ARHGAP25: variants seen among roughly 807,000 people sequenced by gnomAD.
ARHGAP25 encodes the protein Rho GTPase activating protein 25.
Under a neutral mutation model 71.0 loss-of-function variants are expected in ARHGAP25, and 34 were observed. The ratio of observed to expected loss-of-function variants is 0.48; its 90% confidence interval spans 0.36 to 0.64. The LOEUF is 0.64. ARHGAP25 is among the 30% of genes least tolerant of loss of function. The probability of loss-of-function intolerance (pLI) is 0.00; values close to 1 mark genes in which losing one functional copy is unlikely to be tolerated. For missense variants in ARHGAP25, 706 were observed against 805.1 expected (o/e 0.88, Z 1.49); for synonymous variants, 282 against 296.5 (o/e 0.95, Z 0.50).
At chr2:68,738,280 G>T (rs548080838) in intron 1 of ARHGAP25, among the ~76,000 whole-genome samples, 1 of 152,270 alleles carries the variant, frequency 6.6e-6, no homozygotes, top group East Asian at 1.9e-4. Flanking sequence ...CCAGCCCCAG[G>T]TTACAGGGCT....
At position 68,797,011 on chromosome 2, in the gene ARHGAP25, C is replaced by T. The variant is rs186982182; in HGVS notation, c.466+9055C>T. On this transcript the variant is annotated intron_variant, in intron 4 of 10. Coordinates refer to ENST00000409202, the MANE Select transcript of ARHGAP25 (RefSeq NM_001007231.3). ...GATGGTGCTTGCAGGTAACAACGAG[C>T]GGTGGGGGTAGCATGGAGATTTATG... Among the ~76,000 whole-genome samples, 25 of 152,230 alleles carry T rather than the reference C, an allele frequency of 1.6e-4. 1 individual carries two copies. In the East Asian group the frequency reaches 3.1e-3, roughly 19 times the overall value.
rs776569401 is a variant in ARHGAP25 at position 68,813,405 on chromosome 2, G to A, written c.793G>A (p.Ala265Thr). Residue 265 changes from alanine (A) to threonine (T), a missense_variant, in exon 6 of 11, where the codon GCG (alanine) becomes ACG (threonine). Physicochemically the swap from Ala to Thr is moderately conservative, Grantham distance 58 (BLOSUM62 0). Coordinates refer to ENST00000409202, the MANE Select transcript of ARHGAP25 (RefSeq NM_001007231.3). ...CCTGCTCTGTGGGCAGCTCACGAAT[G>A]CGGATGAGGCAAAGGTTTGCATCTT... ...GFLLCGQLTN[A>T]DEAKAQQELM... The A allele has an allele frequency of 1.9e-6, 3 of 1,612,748 alleles. No individual in the cohort carries two copies. The highest frequency in any genetic ancestry group is 1.7e-5 in the Admixed American group (1 of 59,712).
At chr2:68,792,787 A>G (rs188164105) in intron 4 of ARHGAP25, among the ~76,000 whole-genome samples, 1 of 152,270 alleles carries the variant, frequency 6.6e-6, no homozygotes, top group East Asian at 1.9e-4. Flanking sequence ...TTTGGTGTAT[A>G]CCCAGTAGTG....
chr2:68,759,349 GA>G lies in ARHGAP25; in HGVS notation c.62-15862del, dbSNP rs1014124494. Among the ~76,000 whole-genome samples, 32 of 145,546 alleles carry G rather than the reference GA, an allele frequency of 2.2e-4. No homozygotes were observed. In the Middle Eastern group the frequency reaches 0.014, roughly 64 times the overall value. On this transcript the variant is annotated intron_variant, in intron 1 of 10. Coordinates refer to ENST00000409202, the MANE Select transcript of ARHGAP25 (RefSeq NM_001007231.3). Reference sequence around the variant, plus strand: ...ACAAGCCTTTTGGTAGATGGATAATGAAAAAAAAAAGAAGATTCAAATTACT... The same window carrying G: ...ACAAGCCTTTTGGTAGATGGATAATGAAAAAAAAAGAAGATTCAAATTACT...
At chr2:68,813,251 A>G in intron 5 of ARHGAP25, 36 bp from the exon 6 acceptor site, 1 of 1,581,640 alleles carries the variant, frequency 6.3e-7, no homozygotes, top group Non-Finnish European at 8.6e-7. Flanking sequence ...TTTTTCTTTC[A>G]AAGAGTTTCA....
upstream of ARHGAP25, among the ~76,000 whole-genome samples, chr2:68,729,884 T>G (rs559974550): frequency 2.0e-5 from 3 of 152,368 alleles, no homozygotes; most frequent in Admixed American, 1.3e-4. Context: ...CATTTCTATC[T>G]CTAAGAATTC....
chr2:68,788,364 G>A (rs763298345), intron 4 of ARHGAP25, among the ~76,000 whole-genome samples: 8 of 152,222 alleles, frequency 5.3e-5, no homozygotes, highest in Admixed American at 1.3e-4. Context: ...CCTGGTTCTG[G>A]GAACTGATGG....
rs151097127 is a variant in ARHGAP25, at chr2:68,793,416, C to A, written c.466+5460C>A. On this transcript the variant is annotated intron_variant, in intron 4 of 10. Coordinates refer to ENST00000409202, the MANE Select transcript of ARHGAP25 (RefSeq NM_001007231.3). ...TACTCTAGGTTTTACAGTTTCAGAT[C>A]TTACATTTAAGTTTTTAATCATCTT... 2.1e-3 allele frequency among the ~76,000 whole-genome samples: 325 copies of A among 152,160 alleles called. 1 individual carries two copies. Among genetic ancestry groups the A allele is most frequent in the African/African-American group, 6.5e-3 (270 of 41,526 alleles).
chr2:68,815,649 C>T (rs1681167504), intron 6 of ARHGAP25, among the ~76,000 whole-genome samples: 1 of 151,988 alleles, frequency 6.6e-6, no homozygotes, highest in Non-Finnish European at 1.5e-5. Context: ...CACCATGTTG[C>T]AGATGGTGAT....
intron 3 of ARHGAP25, 77 bp from the exon 4 acceptor site, chr2:68,787,763 T>A: frequency 8.6e-7 from 1 of 1,163,592 alleles, no homozygotes; most frequent in Non-Finnish European, 1.3e-6. Context: ...TCAATTTAGG[T>A]CTGGTTCCCT....
intron 1 of ARHGAP25, among the ~76,000 whole-genome samples, chr2:68,740,132 T>C (rs571336614): frequency 2.0e-5 from 3 of 152,194 alleles, no homozygotes; most frequent in Non-Finnish European, 4.4e-5. Context: ...TGCAAAGCGG[T>C]GAGACAGGTG....
At chr2:68,810,572 G>T (rs2103647463) in intron 5 of ARHGAP25, among the ~76,000 whole-genome samples, 2 of 152,206 alleles carry the variant, frequency 1.3e-5, no homozygotes, top group South Asian at 4.2e-4. Flanking sequence ...TAACTTTGAA[G>T]TATCCATGGT....
rs1041974707 is a variant in ARHGAP25 at position 68,774,743 on chromosome 2, G to T, written c.62-478G>T. The stretch of plus-strand genomic sequence containing the variant: ...CTTGCGGCCCCTCCTCTAGCCGGCC[G>T]CTGTGGAAGAGTGCCCAGGCAGCTT... On this transcript the variant is annotated intron_variant, in intron 1 of 10. Transcript: ENST00000409202. 7.9e-6 allele frequency: 8 copies of T among 1,007,184 alleles called. No individual in the cohort carries two copies. In the East Asian group the frequency reaches 5.2e-4, roughly 65 times the overall value. 62.4% of individuals were successfully genotyped at this position (1,007,184 alleles called of 1,614,324 possible).
chr2:68,799,356 G>C lies in ARHGAP25; in HGVS notation c.467-7917G>C, dbSNP rs1314292966. ...CCTGGGTATGTCTGATAGGGTTGCT[G>C]CACTATTTACTGTATCTGCTCATCA... On this transcript the variant is annotated intron_variant, in intron 4 of 10. Transcript: ENST00000409202. Among the ~76,000 whole-genome samples, 2 of 152,158 alleles carry C rather than the reference G, an allele frequency of 1.3e-5. 1 individual carries two copies. Among genetic ancestry groups the C allele is most frequent in the African/African-American group, 4.8e-5 (2 of 41,438 alleles).
At chr2:68,787,271 C>A (rs1005751591) in intron 3 of ARHGAP25, among the ~76,000 whole-genome samples, 25 of 152,352 alleles carry the variant, frequency 1.6e-4, no homozygotes, top group African/African-American at 5.3e-4. Flanking sequence ...TAACAAGTTT[C>A]ATGTATCCAT....
chr2:68,755,431 A>G (rs1676418127), intron 1 of ARHGAP25, among the ~76,000 whole-genome samples: 1 of 152,208 alleles, frequency 6.6e-6, no homozygotes, highest in Non-Finnish European at 1.5e-5. Flanking sequence ...AAATAAAAAA[A>G]TATATATCAT....
chr2:68,789,334 G>A (rs983664601), intron 4 of ARHGAP25, among the ~76,000 whole-genome samples: 16 of 152,094 alleles, frequency 1.1e-4, no homozygotes, highest in African/African-American at 3.1e-4. Context: ...CACCGTGCCC[G>A]GCCTGGAATC....
intron 2 of ARHGAP25, among the ~76,000 whole-genome samples, chr2:68,723,644 T>TG (rs1229399442): frequency 5.9e-5 from 9 of 152,194 alleles, no homozygotes; most frequent in African/African-American, 2.2e-4. Flanking sequence ...GAGCACCTGC[T>TG]AACTCTTCTA....
chr2:68,720,678 T>C (rs1365556243), intron 2 of ARHGAP25, among the ~76,000 whole-genome samples: 6 of 152,336 alleles, frequency 3.9e-5, no homozygotes, highest in Non-Finnish European at 8.8e-5. Flanking sequence ...ACCAAAATTA[T>C]CTTTCAAAAC....
Sources: gnomAD v4.1 joint callset for allele counts (sites outside exome capture counted in the v4.1 genomes callset) on GRCh38, gnomAD v4.1.1 for gene constraint, MANE v1.5 for transcripts, NCBI Gene and HGNC (gene_info 2026-07-23, HGNC 2026-07-21) for gene names.